The following MNAT1 variants were observed in gnomAD, a reference collection of about 807,000 sequenced individuals.
MNAT1 encodes MNAT1 component of CDK activating kinase, also known as CDK-activating kinase assembly factor MAT1.
A neutral mutation model predicts 42.0 loss-of-function variants in MNAT1; 43 were observed. The observed-to-expected ratio is 1.02, with a 90% CI of 0.80 to 1.32. The LOEUF (loss-of-function observed/expected upper bound fraction) is 1.32, where lower values mean the gene tolerates loss of function less well. Ranked by LOEUF, MNAT1 falls within the 40% of genes most tolerant of loss-of-function variation. The probability of loss-of-function intolerance (pLI) is 0.00; values close to 1 mark genes in which losing one functional copy is unlikely to be tolerated. For synonymous variants in MNAT1, 118 were observed against 120.0 expected, an observed-to-expected ratio of 0.98 and a Z score of 0.11; for missense variants, 306 against 350.4, an observed-to-expected ratio of 0.87 and a Z score of 1.01.
At chr14:60,869,230 G>C (rs945688580) in intron 6 of MNAT1, among the ~76,000 whole-genome samples, 1 of 149,354 alleles carries the variant, frequency 6.7e-6, no homozygotes, top group African/African-American at 2.5e-5. Context: ...TAATAGAGAC[G>C]GGGTTTCACC....
At chr14:60,832,461 C>T (rs2033253082) in intron 6 of MNAT1, among the ~76,000 whole-genome samples, 1 of 152,088 alleles carries the variant, frequency 6.6e-6, no homozygotes, top group Non-Finnish European at 1.5e-5. Flanking sequence ...TTGTTTTTGT[C>T]AGGTTTGTCA....
intron 1 of MNAT1, among the ~76,000 whole-genome samples, chr14:60,769,455 TA>T (rs1163467082): frequency 1.3e-5 from 2 of 152,132 alleles, no homozygotes; most frequent in African/African-American, 2.4e-5. Context: ...TATTTTATTT[TA>T]TTTTTTTTCA....
intron 7 of MNAT1, among the ~76,000 whole-genome samples, chr14:60,901,995 A>G (rs948421158): frequency 3.9e-5 from 6 of 152,244 alleles, no homozygotes; most frequent in African/African-American, 1.2e-4. Context: ...GTAAAATGCT[A>G]TTAAACAGCA....
intron 7 of MNAT1, among the ~76,000 whole-genome samples, chr14:60,936,624 A>G (rs1231107445): frequency 1.3e-5 from 2 of 152,028 alleles, no homozygotes; most frequent in Admixed American, 1.3e-4. Context: ...CCAGTCTATC[A>G]TTGTTGGACA....
At chr14:60,741,474 C>G (rs1361291980) in intron 1 of MNAT1, among the ~76,000 whole-genome samples, 1 of 152,032 alleles carries the variant, frequency 6.6e-6, no homozygotes, top group East Asian at 1.9e-4. Flanking sequence ...ATTCTCCTGC[C>G]TCAGCCTTCC....
chr14:60,948,448 G>C (rs2036323174), intron 7 of MNAT1, among the ~76,000 whole-genome samples: 1 of 151,938 alleles, frequency 6.6e-6, no homozygotes, highest in Non-Finnish European at 1.5e-5. Flanking sequence ...GATATTCGAG[G>C]CATACAGAAC....
At chr14:60,737,384 CAT>C (rs1037115019) in intron 1 of MNAT1, among the ~76,000 whole-genome samples, 1 of 151,662 alleles carries the variant, frequency 6.6e-6, no homozygotes, top group Non-Finnish European at 1.5e-5. Flanking sequence ...ATAGCATAAA[CAT>C]ATATATATGT....
chr14:60,899,584 C>G (rs1260485661), intron 7 of MNAT1, among the ~76,000 whole-genome samples: 3 of 152,156 alleles, frequency 2.0e-5, no homozygotes, highest in Non-Finnish European at 4.4e-5. Context: ...TGTTTGATCT[C>G]TATTAGCACT....
intron 6 of MNAT1, among the ~76,000 whole-genome samples, chr14:60,844,697 T>C (rs2139406871): frequency 6.6e-6 from 1 of 152,164 alleles, no homozygotes; most frequent in African/African-American, 2.4e-5. Context: ...TTGCAGTGCC[T>C]TATTCCCCAC....
intron 5 of MNAT1, among the ~76,000 whole-genome samples, chr14:60,812,801 C>T (rs975724344): frequency 1.3e-5 from 2 of 152,204 alleles, no homozygotes; most frequent in Non-Finnish European, 2.9e-5. Context: ...AGACGACTTG[C>T]TCTTCCTGTC....
chr14:60,916,664 A>T (rs1401612725), intron 7 of MNAT1, among the ~76,000 whole-genome samples: 4 of 152,010 alleles, frequency 2.6e-5, no homozygotes, highest in Admixed American at 2.0e-4. Context: ...CTAAAAATTT[A>T]AAAAAGGCCA....
intron 7 of MNAT1, among the ~76,000 whole-genome samples, chr14:60,962,879 G>A (rs1295165277): frequency 6.6e-6 from 1 of 152,160 alleles, no homozygotes; most frequent in Non-Finnish European, 1.5e-5. Context: ...TATTCAAATT[G>A]TATTCTCACT....
chr14:60,854,354 T>G (rs772504607), intron 6 of MNAT1, among the ~76,000 whole-genome samples: 8 of 152,022 alleles, frequency 5.3e-5, no homozygotes, highest in Non-Finnish European at 1.0e-4. Flanking sequence ...TTGAGAGGAG[T>G]TGTAATCATT....
intron 6 of MNAT1, among the ~76,000 whole-genome samples, chr14:60,832,314 T>G (rs1158485864): frequency 6.6e-6 from 1 of 152,244 alleles, no homozygotes; most frequent in African/African-American, 2.4e-5. Flanking sequence ...GTTTTAGGTC[T>G]TACGTTTAAG....
intron 6 of MNAT1, among the ~76,000 whole-genome samples, chr14:60,850,308 G>T (rs1229029975): frequency 6.6e-6 from 1 of 151,946 alleles, no homozygotes; most frequent in East Asian, 1.9e-4. Context: ...TTTCATTGCT[G>T]TTACCCATTC....
rs1224744691 is a variant in MNAT1, at chr14:60,968,553, T to A, written c.*204T>A. On this transcript the variant is annotated 3_prime_UTR_variant, in exon 8 of 8. Transcript: ENST00000261245. ...GTGAAAAATAATTTTTACTTATATT[T>A]TTCAGAGGATTTGACACGATAAGCC... 7.4e-7 allele frequency: 1 copy of A among 1,352,616 alleles called. No individual in the cohort carries two copies. The highest frequency in any genetic ancestry group is 1.3e-5 in the South Asian group (1 of 79,400). The allele number at this position is 1,352,616 out of a possible 1,614,324, so 83.8% of individuals were successfully genotyped here. A position where few individuals can be genotyped will look rare whatever the true frequency, so the allele number is the denominator to read the frequency against.
chr14:60,876,284 A>G (rs1293559437), intron 6 of MNAT1, among the ~76,000 whole-genome samples: 2 of 152,094 alleles, frequency 1.3e-5, no homozygotes, highest in Non-Finnish European at 2.9e-5. Flanking sequence ...GCTGTGGAAC[A>G]TGGAGGTTAG....
At chr14:60,962,798 T>C (rs150876425) in intron 7 of MNAT1, among the ~76,000 whole-genome samples, 12 of 152,338 alleles carry the variant, frequency 7.9e-5, no homozygotes, top group Non-Finnish European at 1.6e-4. Flanking sequence ...TTGGTCTAAA[T>C]GTCTGGCATA....
At chr14:60,874,862 C>T (rs183823064) in intron 6 of MNAT1, among the ~76,000 whole-genome samples, 2 of 152,206 alleles carry the variant, frequency 1.3e-5, no homozygotes, top group East Asian at 1.9e-4. Flanking sequence ...TCTCATGTGA[C>T]CTGTTAAGCC....
Sources: allele counts gnomAD v4.1 joint callset (sites outside exome capture counted in the v4.1 genomes callset), GRCh38; gene constraint gnomAD v4.1.1; transcripts MANE v1.5; gene names NCBI Gene and HGNC (gene_info 2026-07-23, HGNC 2026-07-21).